The following PROX1 variants were observed in gnomAD, a reference collection of about 807,000 sequenced individuals.
PROX1 encodes prospero homeobox 1, also known as prospero homeobox protein 1.
PROX1 carries 7 observed loss-of-function variants against 58.8 expected under a neutral mutation model. The ratio of observed to expected loss-of-function variants is 0.12; its 90% confidence interval spans 0.07 to 0.22. The LOEUF (loss-of-function observed/expected upper bound fraction) is 0.22, where lower values mean the gene tolerates loss of function less well. Among genes scored for constraint, PROX1 ranks in the 10% least tolerant of loss-of-function variants. PROX1 has a pLI of 1.00. For missense variants in PROX1, 675 were observed against 927.8 expected (o/e 0.73, Z 3.54); for synonymous variants, 350 against 358.3 (o/e 0.98, Z 0.26).
intron 2 of PROX1, among the ~76,000 whole-genome samples, chr1:214,004,772 C>T (rs1663646282): frequency 6.6e-6 from 1 of 151,896 alleles, no homozygotes; most frequent in Admixed American, 6.6e-5. Flanking sequence ...ACAAACAGAA[C>T]TGTAATTGCA....
intron 3 of PROX1, among the ~76,000 whole-genome samples, chr1:214,006,432 T>C (rs1210487665): frequency 6.6e-6 from 1 of 152,218 alleles, no homozygotes; most frequent in East Asian, 1.9e-4. Flanking sequence ...TCTCCTTCCC[T>C]GGCTGTGCTC....
At chr1:214,005,120 C>T (rs1263923985) in intron 2 of PROX1, 45 bp from the exon 3 acceptor site, 1 of 1,500,090 alleles carries the variant, frequency 6.7e-7, no homozygotes, top group African/African-American at 1.4e-5. Context: ...AGGTGGGAGT[C>T]CTTGTGCTTA....
chr1:214,018,033 T>C (rs746863702), intron 4 of PROX1, among the ~76,000 whole-genome samples: 1 of 152,214 alleles, frequency 6.6e-6, no homozygotes, highest in Non-Finnish European at 1.5e-5. Flanking sequence ...GTTCAGCCCA[T>C]CCTGGATTAA....
intron 4 of PROX1, among the ~76,000 whole-genome samples, chr1:214,034,933 GA>G (rs1218707336): frequency 2.6e-5 from 4 of 151,814 alleles, no homozygotes; most frequent in East Asian, 1.9e-4. Context: ...GTAAATACTC[GA>G]AAAAAGTTAG....
intron 2 of PROX1, among the ~76,000 whole-genome samples, chr1:214,004,936 A>G (rs1663653109): frequency 6.6e-6 from 1 of 152,222 alleles, no homozygotes; most frequent in African/African-American, 2.4e-5. Flanking sequence ...AGATTCTGCA[A>G]CTCAATTGTG....
In PROX1 at chr1:213,997,049, A is replaced by G; in HGVS notation, c.514A>G (p.Ile172Val). 1 of 1,614,102 alleles carries G rather than the reference A, an allele frequency of 6.2e-7. No homozygotes were observed. Among genetic ancestry groups the G allele is most frequent in the Non-Finnish European group, 8.5e-7 (1 of 1,180,016 alleles). The change falls in exon 2 of 5, where the codon ATA (isoleucine) becomes GTA (valine). Residue 172 changes from isoleucine to valine, a missense_variant. Transcript: ENST00000366958. The surrounding 1 kb of genome is among the most constrained non-coding windows in gnomAD (Gnocchi z 7.1). ...AGCAAAGCGCGCCCGGGTTGAGAAT[A>G]TAATTCGGGGTATGAGCCATTCCCC... ...LRAKRARVEN[I>V]IRGMSHSPSV... is the part of the protein sequence containing the mutation.
chr1:214,003,642 A>C (rs1663603362), intron 2 of PROX1, among the ~76,000 whole-genome samples: 1 of 146,210 alleles, frequency 6.8e-6, no homozygotes, highest in East Asian at 2.0e-4. Flanking sequence ...TTAACAAAAA[A>C]TAAAAAAATA....
intron 4 of PROX1, among the ~76,000 whole-genome samples, chr1:214,018,853 C>T (rs757388282): frequency 2.6e-5 from 4 of 152,080 alleles, no homozygotes; most frequent in Non-Finnish European, 5.9e-5. Context: ...TTAAAGAGAA[C>T]CTGTATATGG....
chr1:213,994,938 C>G (rs2102689554), intron 1 of PROX1, among the ~76,000 whole-genome samples: 1 of 151,764 alleles, frequency 6.6e-6, no homozygotes, highest in East Asian at 1.9e-4. Context: ...TTGTTGCCAT[C>G]TAAGCATTGA....
chr1:214,030,104 G>A (rs1664595091), intron 4 of PROX1: 1 of 152,582 alleles, frequency 6.6e-6, no homozygotes, highest in Non-Finnish European at 1.5e-5. Flanking sequence ...GGCGAGCAGT[G>A]AAGAGTATCC....
At position 214,038,785 on chromosome 1, in the gene PROX1, T is replaced by C. The variant is rs1244780718; in HGVS notation, c.*2951T>C. The C allele has an allele frequency of 6.6e-6, 1 of 152,248 alleles. No homozygotes were observed. The highest frequency in any genetic ancestry group is 2.4e-5 in the African/African-American group (1 of 41,468). The allele number at this position is 152,248 out of a possible 1,614,324, so 9.4% of individuals were successfully genotyped here. A position where few individuals can be genotyped will look rare whatever the true frequency, so the allele number is the denominator to read the frequency against. Reference sequence around the variant, plus strand: ...GCTGCAATAAACACTAGATTTTTTTTCTGGCTGTTTGACATAACGTTGATA... The same window carrying C: ...GCTGCAATAAACACTAGATTTTTTTCCTGGCTGTTTGACATAACGTTGATA... On this transcript the variant is annotated 3_prime_UTR_variant, in exon 5 of 5. Coordinates refer to ENST00000366958, the MANE Select transcript of PROX1 (RefSeq NM_001270616.2).
At chr1:214,003,818 T>C (rs1558174491) in intron 2 of PROX1, among the ~76,000 whole-genome samples, 2 of 152,236 alleles carry the variant, frequency 1.3e-5, no homozygotes, top group Non-Finnish European at 2.9e-5. Flanking sequence ...TTGATTATGC[T>C]TCTCTAGTAA....
intron 4 of PROX1, among the ~76,000 whole-genome samples, chr1:214,033,515 A>T (rs1008619569): frequency 7.9e-4 from 121 of 152,256 alleles, no homozygotes; most frequent in East Asian, 2.1e-3. Flanking sequence ...GGAGAGTCTC[A>T]TGAACCCAGG....
rs755469557 is a variant in PROX1, at chr1:213,997,803, C to A, written c.1268C>A (p.Thr423Asn). 2 of 1,614,132 alleles carry A rather than the reference C, an allele frequency of 1.2e-6. No homozygotes were observed. The highest frequency in any genetic ancestry group is 4.5e-5 in the East Asian group (2 of 44,898). ...GTCATCATTCCGAACCCCCTGGACA[C>A]CTTTGGCAATGTGCAGATGGCCAGT... Reference protein sequence around the residue: ...GDVIIPNPLDTFGNVQMASST... With the variant: ...GDVIIPNPLDNFGNVQMASST... The change falls in exon 2 of 5, where the codon ACC (threonine) becomes AAC (asparagine). Residue 423 changes from threonine (T) to asparagine (N), a missense_variant. Coordinates refer to ENST00000366958, the MANE Select transcript of PROX1 (RefSeq NM_001270616.2). This position sits in a 1 kb window ranked among gnomAD's most constrained non-coding sequence, Gnocchi z 7.1.
intron 1 of PROX1, among the ~76,000 whole-genome samples, chr1:213,995,542 A>G (rs1213669769): frequency 6.6e-6 from 1 of 151,816 alleles, no homozygotes; most frequent in Non-Finnish European, 1.5e-5. Context: ...TGGGCATTGG[A>G]CATATTATTT....
intron 3 of PROX1, among the ~76,000 whole-genome samples, chr1:214,010,805 C>A (rs1378782097): frequency 6.6e-6 from 1 of 152,162 alleles, no homozygotes; most frequent in African/African-American, 2.4e-5. Flanking sequence ...TGTACTGTGT[C>A]CTAACCATGC....
At chr1:214,025,626 T>C (rs1157900534) in intron 4 of PROX1, among the ~76,000 whole-genome samples, 1 of 152,120 alleles carries the variant, frequency 6.6e-6, no homozygotes, top group Non-Finnish European at 1.5e-5. Context: ...CTCTCTGAGA[T>C]TCCTTCTAGT....
chr1:214,014,479 C>T (rs1664025899), intron 4 of PROX1, among the ~76,000 whole-genome samples: 1 of 152,166 alleles, frequency 6.6e-6, no homozygotes, highest in Non-Finnish European at 1.5e-5. Flanking sequence ...AATAAAATGT[C>T]TTATTGATTG....
chr1:214,001,561 C>T (rs951036990), intron 2 of PROX1, among the ~76,000 whole-genome samples: 3 of 152,066 alleles, frequency 2.0e-5, no homozygotes, highest in Non-Finnish European at 2.9e-5. Context: ...AGAAATTGAG[C>T]CTGTTCTCTG....
Sources: allele counts gnomAD v4.1 joint callset (sites outside exome capture counted in the v4.1 genomes callset), GRCh38; gene constraint gnomAD v4.1.1; non-coding constraint Gnocchi (gnomAD v3.1); transcripts MANE v1.5; gene names NCBI Gene and HGNC (gene_info 2026-07-23, HGNC 2026-07-21).